The following SPAG17 variants were observed in gnomAD, a reference collection of about 807,000 sequenced individuals.
SPAG17 encodes the protein sperm-associated antigen 17.
In SPAG17, 169 loss-of-function variants were observed where a neutral mutation model predicts 273.6. That is an observed-to-expected ratio of 0.62 (90% CI 0.55 to 0.70). SPAG17 has a LOEUF of 0.70. Ranked by LOEUF, SPAG17 falls within the 30% of genes least tolerant of loss-of-function variation. The pLI, the probability that SPAG17 is intolerant of heterozygous loss-of-function variation, is 0.00. For synonymous variants in SPAG17, 825 were observed against 873.2 expected, an observed-to-expected ratio of 0.94 and a Z score of 0.97; for missense variants, 2,557 against 2,627.8, an observed-to-expected ratio of 0.97 and a Z score of 0.59.
At chr1:117,978,351 T>C (rs2101568411) in intron 43 of SPAG17, among the ~76,000 whole-genome samples, 1 of 152,328 alleles carries the variant, frequency 6.6e-6, no homozygotes, top group Admixed American at 6.5e-5. Context: ...ATGGAGAAGG[T>C]GACCTTATTC....
chr1:117,992,414 A>G (rs1657198333), intron 36 of SPAG17, 52 bp downstream of exon 36: 10 of 1,489,856 alleles, frequency 6.7e-6, no homozygotes, highest in East Asian at 4.8e-5. Flanking sequence ...ACCAAAAGCA[A>G]TGATTGCTCT....
At chr1:118,184,980 G>T in intron 1 of SPAG17, 91 bp downstream of exon 1, 1 of 1,070,266 alleles carries the variant, frequency 9.3e-7, no homozygotes. Flanking sequence ...ATACGGAAGA[G>T]AGGGCGAGCC....
chr1:118,001,816 ATC>A (rs1403477684), intron 32 of SPAG17, among the ~76,000 whole-genome samples: 10 of 152,058 alleles, frequency 6.6e-5, no homozygotes, highest in Admixed American at 4.6e-4. Context: ...TTGTGTCGCT[ATC>A]TCTTTCAGTT....
intron 48 of SPAG17, chr1:117,955,294 G>A: frequency 6.2e-7 from 1 of 1,607,592 alleles, no homozygotes. Context: ...ATCACTAATG[G>A]TATTAATCCT....
rs766975842 is a variant in SPAG17, at chr1:118,036,788, A to G, written c.3415T>C (p.Ser1139Pro). 2.6e-6 allele frequency: 4 copies of G among 1,554,692 alleles called. No homozygotes were observed. The highest frequency in any genetic ancestry group is 3.5e-6 in the Non-Finnish European group (4 of 1,147,948). ...ATTTCACCTGGTGCCATTCCATTTG[A>G]TCCATAGTAACTTATCGAGAGGCAG... ...GICLSISYYG[S>P]NGMAPEDKDP... The change falls in exon 24 of 49, where the codon TCA (serine) becomes CCA (proline). Residue 1139 changes from serine (S) to proline (P), a missense_variant. Ser to Pro is a moderately conservative substitution (Grantham distance 74). Transcript: ENST00000336338.
chr1:118,017,124 C>A (rs79719020), intron 28 of SPAG17, among the ~76,000 whole-genome samples: 8,635 of 152,136 alleles, frequency 0.057, 353 homozygotes, highest in South Asian at 0.11. Context: ...TCAGGTTGAG[C>A]CTTTTCATTG....
At chr1:118,153,420 G>A (rs1659493557) in intron 1 of SPAG17, among the ~76,000 whole-genome samples, 2 of 152,180 alleles carry the variant, frequency 1.3e-5, no homozygotes, top group Admixed American at 1.3e-4. Flanking sequence ...TTTCAGAACA[G>A]TTTTGGGAAT....
chr1:118,108,460 TAA>T (rs774619707), intron 4 of SPAG17, among the ~76,000 whole-genome samples: 1 of 152,210 alleles, frequency 6.6e-6, no homozygotes. Context: ...GCTGACCCCC[TAA>T]GTTATAAACT....
At chr1:118,136,669 GAGA>G (rs1658375919) in intron 3 of SPAG17, among the ~76,000 whole-genome samples, 1 of 152,146 alleles carries the variant, frequency 6.6e-6, no homozygotes, top group Non-Finnish European at 1.5e-5. Context: ...GGGTGAAACG[GAGA>G]AACTCTTTTC....
At chr1:117,970,255 C>T (rs970936441) in intron 45 of SPAG17, 139 bp from the exon 46 acceptor site, 5 of 694,684 alleles carry the variant, frequency 7.2e-6, no homozygotes, top group Middle Eastern at 4.0e-4. Context: ...AGAAAAACAA[C>T]TTTAATATTC....
Position 117,984,672 on chromosome 1 carries a change from T to C in SPAG17, c.5769+11A>G, listed in dbSNP as rs745725732. ...ACTTTTATTAGATTATAGTTCATTATATTCAATTACCTGAGACTGATATAA... is the reference window on the plus strand; with the variant it reads ...ACTTTTATTAGATTATAGTTCATTACATTCAATTACCTGAGACTGATATAA... On this transcript the variant is annotated intron_variant, in intron 41 of 48. Coordinates refer to ENST00000336338, the MANE Select transcript of SPAG17 (RefSeq NM_206996.4). 1.3e-6 allele frequency: 2 copies of C among 1,520,074 alleles called. No individual in the cohort carries two copies. Among genetic ancestry groups the C allele is most frequent in the South Asian group, 1.2e-5 (1 of 84,820 alleles). The allele number at this position is 1,520,074 out of a possible 1,614,324, so 94.2% of individuals were successfully genotyped here. A position where few individuals can be genotyped will look rare whatever the true frequency, so the allele number is the denominator to read the frequency against.
At chr1:117,985,585 T>A (rs1656314705) in intron 40 of SPAG17, among the ~76,000 whole-genome samples, 1 of 152,206 alleles carries the variant, frequency 6.6e-6, no homozygotes, top group Admixed American at 6.5e-5. Context: ...TACCATCAAC[T>A]GCCCACCTCT....
At chr1:118,143,885 C>T (rs1262093918) in intron 3 of SPAG17, among the ~76,000 whole-genome samples, 1 of 152,116 alleles carries the variant, frequency 6.6e-6, no homozygotes, top group East Asian at 1.9e-4. Flanking sequence ...TGTCTTGGAA[C>T]TCCTGATGAG....
At chr1:118,002,626 T>A (rs1387020914) in intron 32 of SPAG17, among the ~76,000 whole-genome samples, 3 of 152,230 alleles carry the variant, frequency 2.0e-5, no homozygotes, top group African/African-American at 7.2e-5. Flanking sequence ...GTCTGTTTTA[T>A]CAGAGACTAG....
At chr1:118,113,894 T>C (rs931662618) in intron 4 of SPAG17, among the ~76,000 whole-genome samples, 4 of 152,162 alleles carry the variant, frequency 2.6e-5, no homozygotes, top group Non-Finnish European at 5.9e-5. Context: ...TTTTATTTGC[T>C]TTTACTTAAA....
In SPAG17 at chr1:117,971,865, G is replaced by A. The variant is rs377396210; in HGVS notation, c.6324C>T (p.Cys2108=). The A allele has an allele frequency of 1.9e-6, 3 of 1,612,606 alleles. No homozygotes were observed. Among genetic ancestry groups the A allele is most frequent in the African/African-American group, 2.7e-5 (2 of 74,880 alleles). Residue 2108 remains cysteine (C), a splice_region_variant and synonymous_variant, in exon 45 of 49, where the codon TGC becomes TGT. Coordinates refer to ENST00000336338, the MANE Select transcript of SPAG17 (RefSeq NM_206996.4). ...GACCTTTGGTCCCTTGGCCTCACCTGCAGAAGTCCACTCCAACATTCTTGA... is the reference window on the plus strand; with the variant it reads ...GACCTTTGGTCCCTTGGCCTCACCTACAGAAGTCCACTCCAACATTCTTGA... ...VKLKNVGVDF[C]RFKVKQPPPS...
At chr1:118,097,604 A>G (rs1292498802) in intron 7 of SPAG17, 66 bp downstream of exon 7, 1 of 1,309,184 alleles carries the variant, frequency 7.6e-7, no homozygotes, top group East Asian at 2.5e-5. Context: ...TGATGAATAA[A>G]TGGAGCAAAT....
In SPAG17 at chr1:118,036,899, G is replaced by A. The variant is rs1032340988; in HGVS notation, c.3320-16C>T. 50 of 1,492,590 alleles carry A rather than the reference G, an allele frequency of 3.3e-5. No homozygotes were observed. The highest frequency in any genetic ancestry group is 1.7e-4 in the Middle Eastern group (1 of 5,770). 92.5% of individuals were successfully genotyped at this position (1,492,590 alleles called of 1,614,324 possible). A position where few individuals can be genotyped will look rare whatever the true frequency, so the allele number is the denominator to read the frequency against. On this transcript the variant is annotated splice_polypyrimidine_tract_variant and intron_variant, in intron 23 of 48. Coordinates refer to ENST00000336338, the MANE Select transcript of SPAG17 (RefSeq NM_206996.4). ...TCTGATACTTCTAAAATACAAAATCGAATCAAGAACATTTTCATTTAATTC... is the reference window on the plus strand; with the variant it reads ...TCTGATACTTCTAAAATACAAAATCAAATCAAGAACATTTTCATTTAATTC...
At chr1:118,049,920 A>C (rs979335242) in intron 20 of SPAG17, among the ~76,000 whole-genome samples, 2 of 152,192 alleles carry the variant, frequency 1.3e-5, no homozygotes, top group Non-Finnish European at 1.5e-5. Flanking sequence ...GGCATCTCCC[A>C]ATAGATGGAA....
Sources: gnomAD v4.1 joint callset for allele counts (sites outside exome capture counted in the v4.1 genomes callset) on GRCh38, gnomAD v4.1.1 for gene constraint, MANE v1.5 for transcripts, NCBI Gene and HGNC (gene_info 2026-07-23, HGNC 2026-07-21) for gene names.